The following COG1 variants were observed in gnomAD, a reference collection of about 807,000 sequenced individuals.
COG1 encodes the protein conserved oligomeric Golgi complex subunit 1.
COG1 carries 61 observed loss-of-function variants against 102.2 expected under a neutral mutation model. That is an observed-to-expected ratio of 0.60 (90% CI 0.49 to 0.74). COG1 has a LOEUF of 0.74. Ranked by LOEUF, COG1 falls within the 30% of genes least tolerant of loss-of-function variation. The pLI is 0.00. For synonymous variants in COG1, 454 were observed against 493.6 expected (o/e 0.92, Z 1.06); for missense variants, 1,164 against 1,232.1 (o/e 0.94, Z 0.83).
In COG1 at chr17:73,201,465, C is replaced by T. The variant is rs780660075; in HGVS notation, c.1638C>T (p.Asp546=). The T allele has an allele frequency of 2.5e-6, 4 of 1,614,140 alleles. No homozygotes were observed. The highest frequency in any genetic ancestry group is 2.5e-6 in the Non-Finnish European group (3 of 1,180,048). ...CTGATGACTCATCACTGCCCAAGGA[C>T]GTTTCTCCCACACAGGCCAAGAGTT... ...LPSDDSSLPK[D]VSPTQAKSSA... The change falls in exon 7 of 14, where the codon GAC becomes GAT. Residue 546 remains aspartate (D), a synonymous_variant. Coordinates refer to ENST00000299886, the MANE Select transcript of COG1 (RefSeq NM_018714.3).
chr17:73,201,921 T>A (rs772375438), intron 7 of COG1, 21 bp downstream of exon 7: 7 of 1,610,628 alleles, frequency 4.3e-6, no homozygotes, highest in Middle Eastern at 1.7e-4. Context: ...TAATTTCTTA[T>A]CCCTGTCTTG....
At position 73,206,842 on chromosome 17, in the gene COG1, C is replaced by T. The variant is rs377129341; in HGVS notation, c.2729+25C>T. 1.8e-5 allele frequency: 28 copies of T among 1,532,640 alleles called. 1 individual carries two copies. The highest frequency in any genetic ancestry group is 3.4e-4 in the Middle Eastern group (2 of 5,916). The allele number at this position is 1,532,640 out of a possible 1,614,324, so 94.9% of individuals were successfully genotyped here. On this transcript the variant is annotated intron_variant, in intron 12 of 13. Coordinates refer to ENST00000299886, the MANE Select transcript of COG1 (RefSeq NM_018714.3). ...GGTAAAGGCTGCCAAGAGGCTTCTG[C>T]GGGGCACTTCGGGAGGCCAAGGTGG...
At chr17:73,208,179 C>T in intron 13 of COG1, 135 bp from the exon 14 acceptor site, 1 of 1,554,638 alleles carries the variant, frequency 6.4e-7, no homozygotes, top group Non-Finnish European at 8.7e-7. Context: ...CAGCAAAGTC[C>T]TCTGACTAGA....
chr17:73,208,194 T>G (rs907476725), intron 13 of COG1, 120 bp from the exon 14 acceptor site: 1 of 1,577,048 alleles, frequency 6.3e-7, no homozygotes, highest in African/African-American at 1.3e-5. Flanking sequence ...ACTAGAGCCA[T>G]CGTGCTTCTC....
intron 6 of COG1, 89 bp downstream of exon 6, chr17:73,200,865 G>A: frequency 2.4e-6 from 3 of 1,234,764 alleles, no homozygotes; most frequent in Non-Finnish European, 2.4e-6. Context: ...CGCTTCCCAA[G>A]TATATTCTTT....
intron 9 of COG1, chr17:73,205,320 T>G (rs2061364050): frequency 7.5e-6 from 4 of 531,368 alleles, no homozygotes; most frequent in Non-Finnish European, 1.4e-5. Flanking sequence ...TTACAGCATC[T>G]GAGGCCTTTT....
chr17:73,204,554 CTTTTTTTTTTT>C (rs575425786), intron 9 of COG1, among the ~76,000 whole-genome samples: 1 of 95,860 alleles, frequency 1.0e-5, no homozygotes, highest in African/African-American at 4.1e-5. Context: ...TCATTAGTAA[CTTTTTTTTTTT>C]TTTTTTTTTT....
chr17:73,207,679 T>G, intron 13 of COG1: 1 of 1,294,446 alleles, frequency 7.7e-7, no homozygotes, highest in Non-Finnish European at 1.0e-6. Context: ...GACATTTTCT[T>G]GTTAATACAC....
chr17:73,208,216 T>C (rs1009321107), intron 13 of COG1, 98 bp from the exon 14 acceptor site: 1 of 1,600,432 alleles, frequency 6.2e-7, no homozygotes, highest in South Asian at 1.1e-5. Context: ...GCTCCGCTTG[T>C]GTGTGCCGTG....
At position 73,207,188 on chromosome 17, in the gene COG1, C is replaced by CTT; in HGVS notation, c.2738_2739dup (p.Leu914PhefsTer4). The CTT allele has an allele frequency of 6.2e-7, 1 of 1,611,512 alleles. No homozygotes were observed. The highest frequency in any genetic ancestry group is 1.1e-5 in the South Asian group (1 of 90,976). On this transcript the variant is annotated frameshift_variant, in exon 13 of 14. Coordinates refer to ENST00000299886, the MANE Select transcript of COG1 (RefSeq NM_018714.3). LOFTEE classifies it high-confidence loss of function. ...TTTCCTCTTGTTTTGGAGGTTTGGA[C>CTT]TTCTCCCACTGAGCATGACAAGCAC...
rs887631897 is a variant in COG1, at chr17:73,193,058, G to A, written c.-12G>A. ...GGGCGTAGGTAGATCGCCGGGGGCT[G>A]ACGAGTGCACCATGGCCACCGCGGC... is the stretch of plus-strand genomic sequence containing the variant. On this transcript the variant is annotated 5_prime_UTR_variant, in exon 1 of 14. Transcript: ENST00000299886. 1.9e-6 allele frequency: 3 copies of A among 1,607,844 alleles called. No individual in the cohort carries two copies. The highest frequency in any genetic ancestry group is 2.2e-5 in the South Asian group (2 of 90,888).
At chr17:73,207,288 G>T (rs750014955) in intron 13 of COG1, 32 bp downstream of exon 13, 5 of 1,604,750 alleles carry the variant, frequency 3.1e-6, no homozygotes, top group Non-Finnish European at 4.3e-6. Flanking sequence ...CTCATCCGTG[G>T]ATGGGTCCCC....
rs1227176370 is a variant in COG1 at position 73,196,958 on chromosome 17, G to A, written c.619G>A (p.Ala207Thr). 1 of 1,614,220 alleles carries A rather than the reference G, an allele frequency of 6.2e-7. No homozygotes were observed. Among genetic ancestry groups the A allele is most frequent in the East Asian group, 2.2e-5 (1 of 44,888 alleles). ...CAAATGCCAAGGTGTGTCTGACCAA[G>A]CTGTGGCCGAGGCCCTGTGCTCTAT... is the stretch of plus-strand genomic sequence containing the variant. Reference protein sequence around the residue: ...LLKCQGVSDQAVAEALCSIML... With the variant: ...LLKCQGVSDQTVAEALCSIML... The change falls in exon 3 of 14, where the codon GCT (alanine) becomes ACT (threonine). Residue 207 changes from alanine to threonine, a missense_variant. By Grantham distance (58) the Ala-to-Thr change is moderately conservative. Coordinates refer to ENST00000299886, the MANE Select transcript of COG1 (RefSeq NM_018714.3).
At chr17:73,206,462 A>G (rs1381829694) in intron 11 of COG1, among the ~76,000 whole-genome samples, 200 bp downstream of exon 11, 2 of 152,134 alleles carry the variant, frequency 1.3e-5, no homozygotes, top group Non-Finnish European at 2.9e-5. Flanking sequence ...TTGGCCCCTT[A>G]AGTTGTAAAT....
Position 73,197,404 on chromosome 17 carries a change from CTTA to C in COG1, c.913+9_913+11del, listed in dbSNP as rs751797257. On this transcript the variant is annotated intron_variant, in intron 4 of 13. Coordinates refer to ENST00000299886, the MANE Select transcript of COG1 (RefSeq NM_018714.3). ...CAGGCCAGCATCCTGCCGGTGAGCT[CTTA>C]GCCAAGCTTTTTAAATTCTGGTTCA... 1 of 1,613,746 alleles carries C rather than the reference CTTA, an allele frequency of 6.2e-7. No individual in the cohort carries two copies. The highest frequency in any genetic ancestry group is 1.7e-5 in the Admixed American group (1 of 60,014).
At chr17:73,207,955 C>T in intron 13 of COG1, 1 of 1,214,002 alleles carries the variant, frequency 8.2e-7, no homozygotes, top group Non-Finnish European at 1.0e-6. Flanking sequence ...AAAGCTCTTG[C>T]AAAAACCATC....
intron 13 of COG1, 91 bp from the exon 14 acceptor site, chr17:73,208,223 C>T (rs748845630): frequency 5.6e-5 from 90 of 1,603,084 alleles, no homozygotes; most frequent in Non-Finnish European, 7.1e-5. Flanking sequence ...TTGTGTGTGC[C>T]GTGTGGACTC....
At chr17:73,206,295 C>T (rs374931926) in intron 11 of COG1, 33 bp downstream of exon 11, 11 of 1,509,674 alleles carry the variant, frequency 7.3e-6, no homozygotes, top group East Asian at 4.5e-5. Flanking sequence ...TTAGTGCGAA[C>T]GAAGCGATAC....
chr17:73,197,100 C>T lies in COG1; in HGVS notation c.742+19C>T. 6.2e-7 allele frequency: 1 copy of T among 1,614,046 alleles called. No individual in the cohort carries two copies. Among genetic ancestry groups the T allele is most frequent in the Non-Finnish European group, 8.5e-7 (1 of 1,179,966 alleles). On this transcript the variant is annotated intron_variant, in intron 3 of 13. Coordinates refer to ENST00000299886, the MANE Select transcript of COG1 (RefSeq NM_018714.3). ...CACCATGGTGGGTGTGGCTTCTGGCCAACATTTGGTCCTTAAATATGGGAT... is the reference window on the plus strand; with the variant it reads ...CACCATGGTGGGTGTGGCTTCTGGCTAACATTTGGTCCTTAAATATGGGAT...
Sources: gnomAD v4.1 joint callset for allele counts (sites outside exome capture counted in the v4.1 genomes callset) on GRCh38, gnomAD v4.1.1 for gene constraint, MANE v1.5 for transcripts, NCBI Gene and HGNC (gene_info 2026-07-23, HGNC 2026-07-21) for gene names.